DTD1: variants seen among roughly 807,000 people sequenced by gnomAD.
DTD1 encodes D-aminoacyl-tRNA deacylase 1.
A neutral mutation model predicts 25.6 loss-of-function variants in DTD1; 13 were observed. The ratio of observed to expected loss-of-function variants is 0.51; its 90% CI spans 0.33 to 0.81. The LOEUF is 0.81. Among genes scored for constraint, DTD1 ranks in the 30% least tolerant of loss-of-function variants. DTD1 has a pLI of 0.02. For missense variants in DTD1, 193 were observed against 266.4 expected (o/e 0.72, Z 1.92); for synonymous variants, 110 against 103.6 (o/e 1.06, Z -0.37).
chr20:18,652,766 G>C (rs140646306), intron 4 of DTD1, among the ~76,000 whole-genome samples: 1 of 152,178 alleles, frequency 6.6e-6, no homozygotes, highest in Non-Finnish European at 1.5e-5. Flanking sequence ...ATTTCCATCA[G>C]TATGAAGCAG....
At chr20:18,709,338 G>A (rs551103798) in intron 4 of DTD1, among the ~76,000 whole-genome samples, 3 of 152,162 alleles carry the variant, frequency 2.0e-5, no homozygotes, top group Admixed American at 6.5e-5. Flanking sequence ...ATAATGAGCT[G>A]CAGCTTCTCT....
At chr20:18,761,385 A>G (rs965678544) in intron 5 of DTD1, among the ~76,000 whole-genome samples, 1 of 152,156 alleles carries the variant, frequency 6.6e-6, no homozygotes, top group Non-Finnish European at 1.5e-5. Flanking sequence ...AATTATTATT[A>G]ACATAATGCT....
chr20:18,635,395 G>T (rs2060803117), intron 4 of DTD1, among the ~76,000 whole-genome samples: 1 of 152,192 alleles, frequency 6.6e-6, no homozygotes, highest in African/African-American at 2.4e-5. Context: ...CCTCCTACCA[G>T]GGCTAGGGCG....
intron 4 of DTD1, among the ~76,000 whole-genome samples, chr20:18,733,871 G>A (rs960923755): frequency 2.6e-5 from 4 of 152,176 alleles, no homozygotes; most frequent in Non-Finnish European, 5.9e-5. Context: ...TAAGCAACCA[G>A]TTGATTTAAA....
intron 3 of DTD1, among the ~76,000 whole-genome samples, chr20:18,622,190 C>A (rs1338465762): frequency 2.0e-5 from 3 of 152,128 alleles, no homozygotes; most frequent in African/African-American, 7.2e-5. Context: ...AGGCTTTAAG[C>A]CCTGCATGCA....
At position 18,736,357 on chromosome 20, in the gene DTD1, G is replaced by A. The variant is rs142986384; in HGVS notation, c.478-7743G>A. The stretch of plus-strand genomic sequence containing the variant: ...CCTAGAGTCCAACTGGACACAAAGT[G>A]CTCAGCTCTCCAATTTGTTCACAAA... On this transcript the variant is annotated intron_variant, in intron 4 of 5. Coordinates refer to ENST00000377452, the MANE Select transcript of DTD1 (RefSeq NM_080820.6). Among the ~76,000 whole-genome samples the A allele has an allele frequency of 2.6e-4, 40 of 152,294 alleles. 1 individual carries two copies. In the East Asian group the frequency reaches 7.3e-3, roughly 28 times the overall value.
At chr20:18,753,042 C>T (rs1322169727) in intron 5 of DTD1, among the ~76,000 whole-genome samples, 1 of 152,144 alleles carries the variant, frequency 6.6e-6, no homozygotes, top group Non-Finnish European at 1.5e-5. Context: ...CCATCTATTG[C>T]TAAGGTGCAG....
chr20:18,657,092 T>G (rs2060894070), intron 4 of DTD1, among the ~76,000 whole-genome samples: 1 of 152,192 alleles, frequency 6.6e-6, no homozygotes, highest in Non-Finnish European at 1.5e-5. Flanking sequence ...CAGATCTTCT[T>G]TGAATTTTGT....
At chr20:18,659,896 A>T (rs141418393) in intron 4 of DTD1, among the ~76,000 whole-genome samples, 1 of 151,450 alleles carries the variant, frequency 6.6e-6, no homozygotes, top group African/African-American at 2.4e-5. Context: ...CGTTCAGCAC[A>T]TGTATCCCAT....
At position 18,701,796 on chromosome 20, in the gene DTD1, C is replaced by T. The variant is rs1421277840; in HGVS notation, c.478-42304C>T. Among the ~76,000 whole-genome samples the T allele has an allele frequency of 4.6e-5, 7 of 152,198 alleles. No homozygotes were observed. In the East Asian group the frequency reaches 1.3e-3, roughly 29 times the overall value. On this transcript the variant is annotated intron_variant, in intron 4 of 5. Transcript: ENST00000377452. ...GTTCTGTGTGCTTGCTTTGGCTTCT[C>T]CTTTTAAAGAATCACCTAATAATTC...
intron 4 of DTD1, among the ~76,000 whole-genome samples, chr20:18,645,906 A>G (rs1422652528): frequency 6.6e-6 from 1 of 152,238 alleles, no homozygotes; most frequent in South Asian, 2.1e-4. Flanking sequence ...TGTTTCAGTC[A>G]TCAGTTTAAG....
At chr20:18,616,901 G>T (rs569507463) in intron 3 of DTD1, among the ~76,000 whole-genome samples, 2 of 152,372 alleles carry the variant, frequency 1.3e-5, no homozygotes, top group Non-Finnish European at 2.9e-5. Context: ...TGGGTGCTTT[G>T]TGATTTTGTG....
chr20:18,626,590 G>T (rs187547698), intron 3 of DTD1, among the ~76,000 whole-genome samples: 10 of 152,090 alleles, frequency 6.6e-5, no homozygotes, highest in Admixed American at 1.3e-4. Context: ...GTGAGTGTGT[G>T]TTTTTTTTAA....
At chr20:18,758,445 G>C (rs2061348059) in intron 5 of DTD1, among the ~76,000 whole-genome samples, 2 of 152,148 alleles carry the variant, frequency 1.3e-5, no homozygotes, top group South Asian at 4.2e-4. Flanking sequence ...TGCTTTGAAT[G>C]TGTCCCAGAG....
rs188295868 is a variant in DTD1, at chr20:18,693,529, T to A, written c.478-50571T>A. ...AAAATTAGCTGGGTTTGGTGGCACA[T>A]GCCTGTAATCCCAGCTACTCGGGAG... On this transcript the variant is annotated intron_variant, in intron 4 of 5. Coordinates refer to ENST00000377452, the MANE Select transcript of DTD1 (RefSeq NM_080820.6). 9.9e-4 allele frequency among the ~76,000 whole-genome samples: 151 copies of A among 151,990 alleles called. 1 individual carries two copies. Among genetic ancestry groups the A allele is most frequent in the African/African-American group, 3.1e-3 (130 of 41,466 alleles).
chr20:18,726,071 G>C (rs2328331), intron 4 of DTD1, among the ~76,000 whole-genome samples: 52,874 of 152,042 alleles, frequency 0.35, 9,521 homozygotes, highest in Non-Finnish European at 0.4. Flanking sequence ...GCCAGTTGGT[G>C]CCAAAGCATT....
chr20:18,616,351 C>T (rs2060708908), intron 3 of DTD1, among the ~76,000 whole-genome samples: 1 of 152,156 alleles, frequency 6.6e-6, no homozygotes, highest in Admixed American at 6.5e-5. Context: ...TACCTCTTCC[C>T]AAATGGCAAA....
intron 3 of DTD1, among the ~76,000 whole-genome samples, chr20:18,601,822 G>GA (rs1193388859): frequency 6.6e-6 from 1 of 151,910 alleles, no homozygotes; most frequent in Admixed American, 6.6e-5. Flanking sequence ...CAAAGATGGG[G>GA]AAAAAACAGA....
intron 4 of DTD1, among the ~76,000 whole-genome samples, chr20:18,706,351 T>C (rs1041913181): frequency 6.6e-6 from 1 of 152,212 alleles, no homozygotes; most frequent in Non-Finnish European, 1.5e-5. Context: ...GACCTTTTTA[T>C]GAAAAGCATC....
Sources: gnomAD v4.1 joint callset for allele counts (sites outside exome capture counted in the v4.1 genomes callset) on GRCh38, gnomAD v4.1.1 for gene constraint, MANE v1.5 for transcripts, NCBI Gene and HGNC (gene_info 2026-07-23, HGNC 2026-07-21) for gene names.